Variants in SMAD5 observed in about 807,000 individuals in gnomAD.
SMAD5 encodes MAD, mothers against decapentaplegic homolog 5.
SMAD5 carries 9 observed loss-of-function variants against 43.1 expected under a neutral mutation model. The observed-to-expected ratio is 0.21, with a 90% CI of 0.13 to 0.36. SMAD5 has a LOEUF of 0.36. Among genes scored for constraint, SMAD5 ranks in the 10% least tolerant of loss-of-function variants. The pLI is 1.00. For missense variants in SMAD5, 348 were observed against 574.0 expected (o/e 0.61, Z 4.02); for synonymous variants, 190 against 192.4 (o/e 0.99, Z 0.10).
rs899094849 is a variant in SMAD5, at chr5:136,170,023, AT to A, written c.776-2401del. On this transcript the variant is annotated intron_variant, in intron 5 of 7. Coordinates refer to ENST00000545279, the MANE Select transcript of SMAD5 (RefSeq NM_005903.7). ...CTTTTATCAGATAGAACTTTTTCAGATTTTTTTTTTCCTAATCTGTGGCTTG... is the reference window on the plus strand; with the variant it reads ...CTTTTATCAGATAGAACTTTTTCAGATTTTTTTTTCCTAATCTGTGGCTTG... Among the ~76,000 whole-genome samples the A allele has an allele frequency of 9.5e-3, 1,422 of 149,770 alleles. 12 individuals carry two copies. Among genetic ancestry groups the A allele is most frequent in the African/African-American group, 0.025 (1,040 of 40,896 alleles).
At chr5:136,176,411 C>T (rs921811880) in intron 7 of SMAD5, among the ~76,000 whole-genome samples, 11 of 137,714 alleles carry the variant, frequency 8.0e-5, no homozygotes, top group African/African-American at 2.5e-4. Flanking sequence ...GCCAAGATTG[C>T]GCCATTGCAT....
In SMAD5 at chr5:136,132,938, G is replaced by A. The variant is rs1752720754; in HGVS notation, c.-269G>A. ...AGGAGAAGCGCAGCGACGGCGTCGG[G>A]AGAGCGCGCCTAGCCGGCTCGCGAG... is the stretch of plus-strand genomic sequence containing the variant. On this transcript the variant is annotated 5_prime_UTR_variant, in exon 1 of 8. Transcript: ENST00000545279. 6.6e-6 allele frequency: 1 copy of A among 152,276 alleles called. No individual in the cohort carries two copies. The highest frequency in any genetic ancestry group is 1.5e-5 in the Non-Finnish European group (1 of 68,084). The allele number at this position is 152,276 out of a possible 1,614,324, so 9.4% of individuals were successfully genotyped here.
intron 5 of SMAD5, 107 bp downstream of exon 5, chr5:136,163,498 A>T (rs1043330489): frequency 1.3e-5 from 12 of 947,896 alleles, no homozygotes; most frequent in East Asian, 9.2e-5. Context: ...ATGCTATAAA[A>T]TTTTTTTGTT....
chr5:136,149,169 C>A (rs1161504638), intron 2 of SMAD5, among the ~76,000 whole-genome samples: 1 of 151,754 alleles, frequency 6.6e-6, no homozygotes, highest in East Asian at 1.9e-4. Flanking sequence ...CATACTAGTT[C>A]TTTCTGTAGC....
At chr5:136,163,455 T>G in intron 5 of SMAD5, 64 bp downstream of exon 5, 1 of 1,341,266 alleles carries the variant, frequency 7.5e-7, no homozygotes, top group South Asian at 1.6e-5. Flanking sequence ...TTGGCTACTT[T>G]TTTAAAAACA....
chr5:136,146,587 T>G (rs551503299), intron 1 of SMAD5, among the ~76,000 whole-genome samples: 66 of 151,782 alleles, frequency 4.3e-4, no homozygotes, highest in African/African-American at 1.6e-3. Flanking sequence ...AATGAGAAAT[T>G]TTTTCATAAC....
At chr5:136,165,480 GT>G (rs1323242318) in intron 5 of SMAD5, among the ~76,000 whole-genome samples, 1 of 151,620 alleles carries the variant, frequency 6.6e-6, no homozygotes, top group Non-Finnish European at 1.5e-5. Context: ...CATTTATAAT[GT>G]TGTGTGACCA....
intron 2 of SMAD5, among the ~76,000 whole-genome samples, chr5:136,150,926 A>G (rs1753434706): frequency 6.6e-6 from 1 of 152,016 alleles, no homozygotes; most frequent in African/African-American, 2.4e-5. Context: ...AAGTGATACT[A>G]GTAAAGAACA....
intron 2 of SMAD5, among the ~76,000 whole-genome samples, chr5:136,152,038 G>A (rs993873861): frequency 6.6e-5 from 10 of 152,052 alleles, no homozygotes. Context: ...AATGTGGCCA[G>A]TTTTGTTTGC....
intron 1 of SMAD5, among the ~76,000 whole-genome samples, chr5:136,139,644 T>G (rs780596828): frequency 6.6e-6 from 1 of 152,156 alleles, no homozygotes; most frequent in Admixed American, 6.5e-5. Flanking sequence ...TCTCGCTGCT[T>G]TTATCATTGC....
chr5:136,162,217 G>A (rs1182323133), intron 4 of SMAD5, among the ~76,000 whole-genome samples: 1 of 152,148 alleles, frequency 6.6e-6, no homozygotes, highest in Non-Finnish European at 1.5e-5. Context: ...CAGTTCATCT[G>A]ATGTGCACAT....
In SMAD5 at chr5:136,181,798, T is replaced by C. The variant is rs1754636406; in HGVS notation, c.*4318T>C. ...ATTATCTTCTCTCTTAAAATACAACTGTATTATAATTGAAATGACAGCCCA... is the reference window on the plus strand; with the variant it reads ...ATTATCTTCTCTCTTAAAATACAACCGTATTATAATTGAAATGACAGCCCA... On this transcript the variant is annotated 3_prime_UTR_variant, in exon 8 of 8. Transcript: ENST00000545279. The C allele has an allele frequency of 6.6e-6, 1 of 152,204 alleles. No homozygotes were observed. Among genetic ancestry groups the C allele is most frequent in the Non-Finnish European group, 1.5e-5 (1 of 68,018 alleles). The allele number at this position is 152,204 out of a possible 1,614,324, so 9.4% of individuals were successfully genotyped here.
At position 136,178,623 on chromosome 5, in the gene SMAD5, G is replaced by C. The variant is rs1754511231; in HGVS notation, c.*1143G>C. 6.6e-6 allele frequency: 1 copy of C among 152,188 alleles called. No individual in the cohort carries two copies. Among genetic ancestry groups the C allele is most frequent in the African/African-American group, 2.4e-5 (1 of 41,438 alleles). The allele number at this position is 152,188 out of a possible 1,614,324, so 9.4% of individuals were successfully genotyped here. A position where few individuals can be genotyped will look rare whatever the true frequency, so the allele number is the denominator to read the frequency against. On this transcript the variant is annotated 3_prime_UTR_variant, in exon 8 of 8. Transcript: ENST00000545279. Reference sequence around the variant, plus strand: ...GTAGTTAATCCCATTGCTCTTACAAGTGTCAGCTTACTTGTATCAGCCTCC... The same window carrying C: ...GTAGTTAATCCCATTGCTCTTACAACTGTCAGCTTACTTGTATCAGCCTCC...
rs1754472150 is a variant in SMAD5 at position 136,177,628 on chromosome 5, G to A, written c.*148G>A. 1.6e-6 allele frequency: 1 copy of A among 608,224 alleles called. No homozygotes were observed. Among genetic ancestry groups the A allele is most frequent in the South Asian group, 2.3e-5 (1 of 43,772 alleles). The allele number at this position is 608,224 out of a possible 1,614,324, so 37.7% of individuals were successfully genotyped here. The stretch of plus-strand genomic sequence containing the variant: ...ATTGTGACCAATACATTTGTATTTT[G>A]TGATGAATCTACATTTGTTTGTATT... On this transcript the variant is annotated 3_prime_UTR_variant, in exon 8 of 8. Transcript: ENST00000545279.
intron 1 of SMAD5, chr5:136,134,133 C>T (rs1336895382): frequency 7.0e-6 from 1 of 143,356 alleles, no homozygotes; most frequent in African/African-American, 2.5e-5. Flanking sequence ...TTTACCTTAT[C>T]TTTCTGTGGA....
At chr5:136,155,346 A>C (rs924571085) in intron 3 of SMAD5, among the ~76,000 whole-genome samples, 1 of 152,144 alleles carries the variant, frequency 6.6e-6, no homozygotes, top group African/African-American at 2.4e-5. Flanking sequence ...TGCACCTTCA[A>C]AATATGTCTT....
chr5:136,167,541 G>A (rs1002545073), intron 5 of SMAD5, among the ~76,000 whole-genome samples: 1 of 152,066 alleles, frequency 6.6e-6, no homozygotes, highest in African/African-American at 2.4e-5. Context: ...ACTTTGGGAG[G>A]CCGAGGCAGG....
intron 1 of SMAD5, among the ~76,000 whole-genome samples, chr5:136,141,539 T>C (rs958827422): frequency 6.6e-6 from 1 of 152,236 alleles, no homozygotes; most frequent in Non-Finnish European, 1.5e-5. Context: ...ATAGTACCTT[T>C]GTATGGGACT....
chr5:136,168,753 G>A (rs992958264), intron 5 of SMAD5, among the ~76,000 whole-genome samples: 6 of 152,110 alleles, frequency 3.9e-5, no homozygotes, highest in African/African-American at 1.4e-4. Context: ...TGCAACCACT[G>A]ATCTTTTTAC....
Sources: gnomAD v4.1 joint callset for allele counts (sites outside exome capture counted in the v4.1 genomes callset) on GRCh38, gnomAD v4.1.1 for gene constraint, MANE v1.5 for transcripts, NCBI Gene and HGNC (gene_info 2026-07-23, HGNC 2026-07-21) for gene names.